PICALM: variants seen among roughly 807,000 people sequenced by gnomAD.
The protein encoded by PICALM is phosphatidylinositol binding clathrin assembly protein.
PICALM carries 40 observed loss-of-function variants against 80.5 expected under a neutral mutation model. The observed-to-expected ratio is 0.50, with a 90% CI of 0.39 to 0.65. The LOEUF is 0.65. Ranked by LOEUF, PICALM falls within the 30% of genes least tolerant of loss-of-function variation. PICALM has a pLI of 0.00. For synonymous variants in PICALM, 288 were observed against 260.3 expected (o/e 1.11, Z -1.02); for missense variants, 676 against 778.9 (o/e 0.87, Z 1.57).
intron 2 of PICALM, among the ~76,000 whole-genome samples, chr11:86,029,790 C>T (rs2095717012): frequency 6.6e-6 from 1 of 152,148 alleles, no homozygotes; most frequent in Non-Finnish European, 1.5e-5. Flanking sequence ...TAAACATATT[C>T]TTGCTAAAAG....
At chr11:86,065,556 T>C (rs1017838282) in intron 1 of PICALM, among the ~76,000 whole-genome samples, 4 of 152,148 alleles carry the variant, frequency 2.6e-5, no homozygotes, top group African/African-American at 7.2e-5. Flanking sequence ...TGCCCCCACC[T>C]CCAGCTGTGA....
intron 3 of PICALM, among the ~76,000 whole-genome samples, chr11:86,024,975 T>C (rs1006469291): frequency 3.3e-5 from 5 of 152,210 alleles, no homozygotes; most frequent in African/African-American, 1.2e-4. Flanking sequence ...TGGCATATCC[T>C]TTATGAGGTT....
chr11:85,992,182 TAATATA>T (rs1289766388), intron 12 of PICALM, among the ~76,000 whole-genome samples: 2 of 151,740 alleles, frequency 1.3e-5, no homozygotes, highest in Non-Finnish European at 2.9e-5. Flanking sequence ...ATATTTTAGC[TAATATA>T]TATACTGATG....
chr11:85,962,228 G>A (rs911678432), intron 19 of PICALM, among the ~76,000 whole-genome samples: 5 of 152,080 alleles, frequency 3.3e-5, no homozygotes, highest in South Asian at 2.1e-4. Flanking sequence ...AACCACGGAC[G>A]GCCAATCAAA....
intron 13 of PICALM, among the ~76,000 whole-genome samples, chr11:85,990,008 CAAAAA>C (rs5793177): frequency 1.1e-5 from 1 of 89,334 alleles, no homozygotes; most frequent in Non-Finnish European, 2.1e-5. Flanking sequence ...AACCAAACAC[CAAAAA>C]AAAAAAAAAA....
intron 1 of PICALM, among the ~76,000 whole-genome samples, chr11:86,045,559 C>T (rs1049892095): frequency 4.8e-5 from 7 of 145,236 alleles, no homozygotes; most frequent in Non-Finnish European, 1.1e-4. Flanking sequence ...TCCATATAAC[C>T]CACATTCACC....
rs779701009 is a variant in PICALM, at chr11:86,000,706, G to A, written c.1091C>T (p.Ser364Leu). 6.2e-7 allele frequency: 1 copy of A among 1,611,400 alleles called. No individual in the cohort carries two copies. The highest frequency in any genetic ancestry group is 8.5e-7 in the Non-Finnish European group (1 of 1,178,474). The stretch of plus-strand genomic sequence containing the variant: ...TGGTGCAGTCATTATCCCTCCTGCT[G>A]AGGTGGATACAGGAGAGGCTGCAGT... Reference protein sequence around the residue: ...LTTAASPVSTSAGGIMTAPAI... With the variant: ...LTTAASPVSTLAGGIMTAPAI... The change falls in exon 11 of 20, where the codon TCA becomes TTA. Residue 364 changes from serine to leucine, a missense_variant. By Grantham distance (145) the Ser-to-Leu change is moderately radical. Around this residue, in one of 2 missense-constraint regions of PICALM, gnomAD observed 391 missense variants for 383.6 expected, o/e 1.02. Transcript: ENST00000393346.
chr11:86,036,312 G>C (rs682058), intron 1 of PICALM, among the ~76,000 whole-genome samples: 38,693 of 152,108 alleles, frequency 0.25, 5,132 homozygotes, highest in African/African-American at 0.32. Flanking sequence ...AATGATTTGT[G>C]AAAGGGATCA....
chr11:85,974,778 T>C lies in PICALM; in HGVS notation c.1874A>G (p.Gln625Arg), dbSNP rs745550363. The C allele has an allele frequency of 5.0e-6, 8 of 1,613,902 alleles. No homozygotes were observed. The highest frequency in any genetic ancestry group is 6.8e-6 in the Non-Finnish European group (8 of 1,179,836). ...PQMGSVPVMT[Q>R]PTLIYSQPVM... is the part of the protein sequence containing the mutation. ...AGGCTGGCTGTATATTAAGGTTGGT[T>C]GCGTCATTACAGGAACACTTCCCAT... Residue 625 changes from glutamine to arginine, a missense_variant, in exon 19 of 20, where the codon CAA (glutamine) becomes CGA (arginine). Gln to Arg is a conservative substitution (Grantham distance 43). Coordinates refer to ENST00000393346, the MANE Select transcript of PICALM (RefSeq NM_007166.4).
Position 85,981,116 on chromosome 11 carries a change from T to A in PICALM, c.1779+13A>T. 1 of 1,340,742 alleles carries A rather than the reference T, an allele frequency of 7.5e-7. No individual in the cohort carries two copies. Among genetic ancestry groups the A allele is most frequent in the South Asian group, 1.2e-5 (1 of 84,408 alleles). The allele number at this position is 1,340,742 out of a possible 1,614,324, so 83.1% of individuals were successfully genotyped here. A position where few individuals can be genotyped will look rare whatever the true frequency, so the allele number is the denominator to read the frequency against. On this transcript the variant is annotated intron_variant, in intron 17 of 19. Coordinates refer to ENST00000393346, the MANE Select transcript of PICALM (RefSeq NM_007166.4). ...ATTCAACTGTTAGTCTATCAGGAGC[T>A]TTTTCAACTCACCATTGTTGCAGCA...
At chr11:86,038,690 G>C (rs566261897) in intron 1 of PICALM, among the ~76,000 whole-genome samples, 1 of 121,922 alleles carries the variant, frequency 8.2e-6, no homozygotes, top group Admixed American at 8.6e-5. Flanking sequence ...CTGAGGCAGA[G>C]AACTGCTTGA....
At chr11:86,027,902 A>ATATTTCAC (rs1384551619) in intron 2 of PICALM, among the ~76,000 whole-genome samples, 1 of 152,208 alleles carries the variant, frequency 6.6e-6, no homozygotes, top group Non-Finnish European at 1.5e-5. Context: ...CTGAAGACTC[A>ATATTTCAC]TATTTCACAA....
In PICALM at chr11:86,018,435, T is replaced by C. The variant is rs564259927; in HGVS notation, c.453-3472A>G. ...TTTGTATTAAAATGTTAAATGTATA[T>C]ATATCTCAATGACTCATCAATTTTA... On this transcript the variant is annotated intron_variant, in intron 4 of 19. Transcript: ENST00000393346. Among the ~76,000 whole-genome samples, 5 of 152,300 alleles carry C rather than the reference T, an allele frequency of 3.3e-5. No individual in the cohort carries two copies. The South Asian group carries it at 8.3e-4, about 25-fold the overall frequency.
intron 8 of PICALM, among the ~76,000 whole-genome samples, chr11:86,005,516 G>A (rs754355487): frequency 1.3e-5 from 2 of 152,038 alleles, no homozygotes; most frequent in East Asian, 3.9e-4. Flanking sequence ...CCAGCCTGCG[G>A]AATATAGGGA....
At chr11:86,014,010 C>T (rs145256140) in intron 5 of PICALM, among the ~76,000 whole-genome samples, 284 of 152,242 alleles carry the variant, frequency 1.9e-3, no homozygotes, top group African/African-American at 6.3e-3. Flanking sequence ...AAAAAACATA[C>T]AAAAACAGGC....
intron 1 of PICALM, among the ~76,000 whole-genome samples, chr11:86,051,966 C>A (rs934964370): frequency 5.3e-5 from 8 of 152,210 alleles, no homozygotes; most frequent in African/African-American, 1.9e-4. Flanking sequence ...GTTAACAATG[C>A]ATGTCAATTG....
At chr11:86,013,861 T>C (rs2095438596) in intron 5 of PICALM, among the ~76,000 whole-genome samples, 1 of 152,220 alleles carries the variant, frequency 6.6e-6, no homozygotes, top group Admixed American at 6.5e-5. Context: ...AACTCTGCTG[T>C]TGTAACATAA....
At position 85,957,974 on chromosome 11, in the gene PICALM, TG is replaced by T. The variant is rs1429921233; in HGVS notation, c.*1071del. The T allele has an allele frequency of 1.8e-5, 4 of 224,940 alleles. No homozygotes were observed. Among genetic ancestry groups the T allele is most frequent in the Non-Finnish European group, 3.5e-5 (4 of 112,712 alleles). The allele number at this position is 224,940 out of a possible 1,614,324, so 13.9% of individuals were successfully genotyped here. A position where few individuals can be genotyped will look rare whatever the true frequency, so the allele number is the denominator to read the frequency against. ...TATTTCCCCTTATTTAAAAGGTATATGATCATAACATGGCACGAGCCAAAGA... is the reference window on the plus strand; with the variant it reads ...TATTTCCCCTTATTTAAAAGGTATATATCATAACATGGCACGAGCCAAAGA... On this transcript the variant is annotated 3_prime_UTR_variant, in exon 20 of 20. Transcript: ENST00000393346.
chr11:86,051,143 T>G (rs938034051), intron 1 of PICALM, among the ~76,000 whole-genome samples: 6 of 152,182 alleles, frequency 3.9e-5, no homozygotes, highest in African/African-American at 7.2e-5. Flanking sequence ...TGATGGAGAA[T>G]GAAGCAAAGG....
Sources: allele counts gnomAD v4.1 joint callset (sites outside exome capture counted in the v4.1 genomes callset), GRCh38; gene constraint gnomAD v4.1.1; regional missense constraint gnomAD v4.1.1; transcripts MANE v1.5; gene names NCBI Gene and HGNC (gene_info 2026-07-23, HGNC 2026-07-21).